The following SUMF1 variants were observed in gnomAD, a reference collection of about 807,000 sequenced individuals.
SUMF1 encodes the protein formylglycine-generating enzyme.
A neutral mutation model predicts 47.6 loss-of-function variants in SUMF1; 48 were observed. That is an observed-to-expected ratio of 1.01 (90% CI 0.80 to 1.28). The LOEUF is 1.28. SUMF1 is among the 50% of genes most tolerant of loss of function. The pLI is 0.00. For synonymous variants in SUMF1, 230 were observed against 192.1 expected (o/e 1.20, Z -1.63); for missense variants, 571 against 485.4 (o/e 1.18, Z -1.66).
intron 8 of SUMF1, among the ~76,000 whole-genome samples, chr3:4,164,360 G>A (rs373120135): frequency 7.2e-5 from 11 of 152,270 alleles, no homozygotes; most frequent in African/African-American, 2.2e-4. Context: ...CTCAGTGAGG[G>A]TGATGACATG....
intron 8 of SUMF1, among the ~76,000 whole-genome samples, chr3:4,342,231 C>T (rs17030493): frequency 0.2 from 30,852 of 152,114 alleles, 3,431 homozygotes; most frequent in African/African-American, 0.3. Flanking sequence ...CTGTTATCAT[C>T]GTTGTTGTTT....
intron 8 of SUMF1, among the ~76,000 whole-genome samples, chr3:4,078,326 T>TG (rs59665100): frequency 1 from 152,222 of 152,222 alleles, 76,111 homozygotes; most frequent in Non-Finnish European, 1. Context: ...CTTGCTAAAC[T>TG]CAAACTATCC....
rs148978124 is a variant in SUMF1 at position 4,127,519 on chromosome 3, C to A, written c.1015-58774G>T. 5.3e-5 allele frequency among the ~76,000 whole-genome samples: 8 copies of A among 152,196 alleles called. No homozygotes were observed. The East Asian group carries it at 1.5e-3, about 29-fold the overall frequency. ...AAGAGAGACTAGCTTAGCCTCCCAG[C>A]CTGCATCTTTCTCTTGTGCTGGATG... On this transcript the variant is annotated intron_variant and NMD_transcript_variant, in intron 8 of 12. Coordinates refer to the SUMF1 transcript ENST00000448413.
At chr3:4,339,703 A>G (rs1345764019) in intron 8 of SUMF1, among the ~76,000 whole-genome samples, 2 of 152,206 alleles carry the variant, frequency 1.3e-5, no homozygotes, top group Non-Finnish European at 2.9e-5. Context: ...CTTCTAGGAC[A>G]TCTGGGCAAT....
intron 7 of SUMF1, among the ~76,000 whole-genome samples, chr3:4,397,021 A>C (rs1701060405): frequency 6.6e-6 from 1 of 152,214 alleles, no homozygotes; most frequent in African/African-American, 2.4e-5. Context: ...CTCATCATCT[A>C]CTGGTAGTGG....
chr3:4,040,161 A>AT (rs1694883603), intron 9 of SUMF1, among the ~76,000 whole-genome samples: 1 of 152,168 alleles, frequency 6.6e-6, no homozygotes. Context: ...ACAATCTGGA[A>AT]ATATATCAAA....
intron 8 of SUMF1, among the ~76,000 whole-genome samples, chr3:4,141,024 T>C (rs960058070): frequency 2.0e-5 from 3 of 152,270 alleles, no homozygotes; most frequent in Admixed American, 6.5e-5. Context: ...ATACATTCAC[T>C]TGTTGACCTT....
At chr3:4,059,630 T>A (rs1695245118) in intron 9 of SUMF1, among the ~76,000 whole-genome samples, 1 of 152,194 alleles carries the variant, frequency 6.6e-6, no homozygotes, top group Non-Finnish European at 1.5e-5. Flanking sequence ...TATGTTACTG[T>A]TACTGAGTAT....
intron 8 of SUMF1, among the ~76,000 whole-genome samples, chr3:4,084,220 C>G (rs551509089): frequency 1.3e-5 from 2 of 152,238 alleles, no homozygotes; most frequent in East Asian, 3.9e-4. Context: ...CCTAATTATT[C>G]TGCCAGTCAA....
At chr3:4,442,325 G>T (rs1034091754) in intron 3 of SUMF1, among the ~76,000 whole-genome samples, 1 of 149,868 alleles carries the variant, frequency 6.7e-6, no homozygotes, top group East Asian at 2.0e-4. Flanking sequence ...GCGCGATCTC[G>T]GCTCACTGCA....
intron 8 of SUMF1, among the ~76,000 whole-genome samples, chr3:4,185,492 GAT>G (rs1397592068): frequency 2.0e-5 from 3 of 152,164 alleles, no homozygotes; most frequent in Non-Finnish European, 4.4e-5. Flanking sequence ...GTCCTCAACA[GAT>G]ATATGAGAGT....
At chr3:4,250,599 T>G (rs1279464723) in intron 8 of SUMF1, among the ~76,000 whole-genome samples, 1 of 152,112 alleles carries the variant, frequency 6.6e-6, no homozygotes, top group African/African-American at 2.4e-5. Flanking sequence ...GAAAAGTCAA[T>G]GCCTGGGTTC....
At chr3:4,212,450 T>A (rs1028996186) in intron 8 of SUMF1, among the ~76,000 whole-genome samples, 1 of 152,022 alleles carries the variant, frequency 6.6e-6, no homozygotes, top group Non-Finnish European at 1.5e-5. Flanking sequence ...TCTACAAAAA[T>A]GGGGAGAAAC....
chr3:4,272,278 C>A (rs75834029), intron 8 of SUMF1, among the ~76,000 whole-genome samples: 9 of 152,304 alleles, frequency 5.9e-5, no homozygotes, highest in Middle Eastern at 3.4e-3. Flanking sequence ...CTTTCTCTGG[C>A]GGACTGGAGG....
intron 3 of SUMF1, among the ~76,000 whole-genome samples, chr3:4,440,978 A>G (rs1702567113): frequency 6.9e-6 from 1 of 143,890 alleles, no homozygotes; most frequent in Non-Finnish European, 1.6e-5. Flanking sequence ...TATCTTAAAT[A>G]CTATCCTTTT....
At chr3:4,083,543 T>C (rs1448469776) in intron 8 of SUMF1, among the ~76,000 whole-genome samples, 2 of 152,140 alleles carry the variant, frequency 1.3e-5, no homozygotes, top group Non-Finnish European at 2.9e-5. Flanking sequence ...TGTTACTTTA[T>C]CTAATTCCCC....
chr3:4,175,960 G>A (rs1197971605), intron 8 of SUMF1, among the ~76,000 whole-genome samples: 3 of 152,064 alleles, frequency 2.0e-5, no homozygotes, highest in African/African-American at 7.2e-5. Flanking sequence ...TTAAATTAAT[G>A]AAATAAGCAA....
At chr3:4,182,459 C>T (rs982103925) in intron 8 of SUMF1, among the ~76,000 whole-genome samples, 1 of 150,420 alleles carries the variant, frequency 6.6e-6, no homozygotes, top group Non-Finnish European at 1.5e-5. Flanking sequence ...TTTTCTTCCC[C>T]CTTTGCCTTA....
rs1191492348 is a variant in SUMF1, at chr3:4,364,318, C to T, written c.1015-2064G>A. ...GGAATGGTACCAGTTCCTCCTTGTA[C>T]CTGTGGTAGAATTCGGCTGTGAATC... On this transcript the variant is annotated intron_variant, in intron 8 of 8. Coordinates refer to ENST00000272902, the MANE Select transcript of SUMF1 (RefSeq NM_182760.4). Among the ~76,000 whole-genome samples the T allele has an allele frequency of 5.1e-5, 5 of 98,358 alleles. 2 individuals carry two copies. Among genetic ancestry groups the T allele is most frequent in the African/African-American group, 7.3e-5 (2 of 27,250 alleles). The allele number at this position is 98,358 out of a possible 152,430, so 64.5% of individuals were successfully genotyped here.
Sources: gnomAD v4.1 joint callset for allele counts (sites outside exome capture counted in the v4.1 genomes callset) on GRCh38, gnomAD v4.1.1 for gene constraint, MANE v1.5 for transcripts, NCBI Gene and HGNC (gene_info 2026-07-23, HGNC 2026-07-21) for gene names.